TRPC4: variants seen among roughly 807,000 people sequenced by gnomAD.
TRPC4 encodes transient receptor potential cation channel subfamily C member 4.
TRPC4 carries 49 observed loss-of-function variants against 99.4 expected under a neutral mutation model. The ratio of observed to expected loss-of-function variants is 0.49; its 90% CI spans 0.39 to 0.63. TRPC4 has a LOEUF of 0.63. Ranked by LOEUF, TRPC4 falls within the 20% of genes least tolerant of loss-of-function variation. The pLI is 0.00. For missense variants in TRPC4, 898 were observed against 1,152.9 expected, an observed-to-expected ratio of 0.78 and a Z score of 3.20; for synonymous variants, 454 against 425.9, an observed-to-expected ratio of 1.07 and a Z score of -0.81.
At position 37,634,898 on chromosome 13, in the gene TRPC4, T is replaced by C. The variant is rs528086235; in HGVS notation, c.*2005A>G. ...AACAGTAAATGCATTCATTTAGGCT[T>C]GTGTTTCTCCAAATCTATCTGGCCC... On this transcript the variant is annotated 3_prime_UTR_variant, in exon 11 of 11. Transcript: ENST00000379705. Among the ~76,000 whole-genome samples, 307 of 152,180 alleles carry C rather than the reference T, an allele frequency of 2.0e-3. No individual in the cohort carries two copies. Among genetic ancestry groups the C allele is most frequent in the Non-Finnish European group, 3.4e-3 (232 of 67,980 alleles).
chr13:37,803,458 A>T (rs56204442), intron 1 of TRPC4, among the ~76,000 whole-genome samples: 43,926 of 151,918 alleles, frequency 0.29, 6,572 homozygotes, highest in East Asian at 0.43. Flanking sequence ...TTACACACAC[A>T]AAATCATTCT....
chr13:37,745,775 C>G (rs1183200020), intron 3 of TRPC4, among the ~76,000 whole-genome samples, 162 bp downstream of exon 3: 1 of 151,894 alleles, frequency 6.6e-6, no homozygotes, highest in Non-Finnish European at 1.5e-5. Flanking sequence ...TACCACTCTT[C>G]AATGTGATTC....
chr13:37,855,312 TACACATGTAGATATATACAATGTAG>T (rs1959160198), intron 1 of TRPC4, among the ~76,000 whole-genome samples: 1 of 146,344 alleles, frequency 6.8e-6, no homozygotes, highest in African/African-American at 2.6e-5. Flanking sequence ...TATATATATA[TACACATGTAGATATATACAATGTAG>T]ATATATATAT....
At chr13:37,709,565 T>C (rs1041498099) in intron 3 of TRPC4, among the ~76,000 whole-genome samples, 1 of 151,928 alleles carries the variant, frequency 6.6e-6, no homozygotes, top group African/African-American at 2.4e-5. Context: ...AAAACTCCAG[T>C]AGTCCCTTTT....
chr13:37,646,804 A>G (rs908939219), intron 8 of TRPC4, among the ~76,000 whole-genome samples: 1 of 152,260 alleles, frequency 6.6e-6, no homozygotes, highest in Non-Finnish European at 1.5e-5. Context: ...AGCAATGTCA[A>G]AAACACAAGT....
chr13:37,779,993 T>C (rs1357721606), intron 2 of TRPC4, among the ~76,000 whole-genome samples: 7 of 152,080 alleles, frequency 4.6e-5, no homozygotes, highest in Non-Finnish European at 1.0e-4. Context: ...CCTTTATTCA[T>C]ATTCCCATGA....
intron 1 of TRPC4, among the ~76,000 whole-genome samples, chr13:37,823,188 T>A (rs1270792150): frequency 6.7e-6 from 1 of 148,646 alleles, no homozygotes; most frequent in African/African-American, 2.5e-5. Flanking sequence ...GTCAGATGAG[T>A]AGGTTGCGAA....
chr13:37,803,650 A>G (rs1290349416), intron 1 of TRPC4, among the ~76,000 whole-genome samples: 1 of 152,086 alleles, frequency 6.6e-6, no homozygotes, highest in African/African-American at 2.4e-5. Context: ...TATTAAACTT[A>G]TATTAATAGC....
Position 37,639,118 on chromosome 13 carries a change from C to G in TRPC4, c.2133G>C (p.Arg711Ser). 1 of 1,613,658 alleles carries G rather than the reference C, an allele frequency of 6.2e-7. No homozygotes were observed. The highest frequency in any genetic ancestry group is 8.5e-7 in the Non-Finnish European group (1 of 1,179,644). ...RRHHQYQEVM[R>S]NLVKRYVAAM... ...CAGCAACGTATCGCTTCACCAGGTT[C>G]CTCATAACTTCCTGAGGCATTTTAG... The change falls in exon 10 of 11, where the codon AGG (arginine) becomes AGC (serine). Residue 711 changes from arginine to serine, a missense_variant. Transcript: ENST00000379705.
At chr13:37,744,123 A>T (rs1446131878) in intron 3 of TRPC4, among the ~76,000 whole-genome samples, 1 of 152,150 alleles carries the variant, frequency 6.6e-6, no homozygotes, top group Non-Finnish European at 1.5e-5. Flanking sequence ...CATAAGAGAA[A>T]ATCTTTGCAA....
chr13:37,705,161 A>G (rs1954229214), intron 3 of TRPC4, among the ~76,000 whole-genome samples: 1 of 152,196 alleles, frequency 6.6e-6, no homozygotes, highest in African/African-American at 2.4e-5. Context: ...CATGGATGAA[A>G]CGGAAGGGCA....
chr13:37,755,431 A>AT (rs58814259), intron 2 of TRPC4, among the ~76,000 whole-genome samples: 143,653 of 151,726 alleles, frequency 0.95, 68,384 homozygotes, highest in East Asian at 1. Flanking sequence ...TAATTTTTTT[A>AT]TTTTTTATTT....
At chr13:37,802,227 A>G (rs1957424612) in intron 1 of TRPC4, among the ~76,000 whole-genome samples, 1 of 152,084 alleles carries the variant, frequency 6.6e-6, no homozygotes, top group African/African-American at 2.4e-5. Context: ...ATGTTTCTTT[A>G]AAAAAATTAG....
chr13:37,653,031 A>G (rs1457152226), intron 7 of TRPC4, among the ~76,000 whole-genome samples: 1 of 152,124 alleles, frequency 6.6e-6, no homozygotes, highest in Non-Finnish European at 1.5e-5. Context: ...CTCTCCTTAG[A>G]AGCCTGTTCT....
chr13:37,717,698 C>T (rs1413643805), intron 3 of TRPC4, among the ~76,000 whole-genome samples: 1 of 151,974 alleles, frequency 6.6e-6, no homozygotes, highest in Non-Finnish European at 1.5e-5. Context: ...AAAATCCAAC[C>T]CTCTCTATGT....
chr13:37,726,819 C>T (rs1955079172), intron 3 of TRPC4, among the ~76,000 whole-genome samples: 1 of 151,354 alleles, frequency 6.6e-6, no homozygotes, highest in Admixed American at 6.6e-5. Context: ...TAATATCAGA[C>T]AAAATAGATT....
At chr13:37,846,840 C>T (rs1566219814) in intron 1 of TRPC4, among the ~76,000 whole-genome samples, 1 of 151,852 alleles carries the variant, frequency 6.6e-6, no homozygotes, top group Non-Finnish European at 1.5e-5. Context: ...TACAGATACA[C>T]ACAGATTAAA....
At chr13:37,771,521 A>AT (rs776037254) in intron 2 of TRPC4, among the ~76,000 whole-genome samples, 7 of 150,380 alleles carry the variant, frequency 4.7e-5, no homozygotes, top group Non-Finnish European at 1.0e-4. Context: ...AAAGCAGTTC[A>AT]TTTTTTCATT....
intron 1 of TRPC4, among the ~76,000 whole-genome samples, chr13:37,822,840 C>T (rs908850848): frequency 6.6e-6 from 1 of 151,746 alleles, no homozygotes. Flanking sequence ...CCTGAGGAAT[C>T]GCCACACTGA....
Sources: allele counts gnomAD v4.1 joint callset (sites outside exome capture counted in the v4.1 genomes callset), GRCh38; gene constraint gnomAD v4.1.1; transcripts MANE v1.5; gene names NCBI Gene and HGNC (gene_info 2026-07-23, HGNC 2026-07-21).